The following PRKACB variants were observed in gnomAD, a reference collection of about 807,000 sequenced individuals.
PRKACB encodes the protein cAMP-dependent protein kinase catalytic subunit beta.
A neutral mutation model predicts 51.4 loss-of-function variants in PRKACB; 16 were observed. That is an observed-to-expected ratio of 0.31 (90% CI 0.21 to 0.47). PRKACB has a LOEUF of 0.47. Among genes scored for constraint, PRKACB ranks in the 20% least tolerant of loss-of-function variants. The pLI is 1.00. For synonymous variants in PRKACB, 147 were observed against 154.4 expected, an observed-to-expected ratio of 0.95 and a Z score of 0.35; for missense variants, 309 against 464.5, an observed-to-expected ratio of 0.67 and a Z score of 3.08.
chr1:84,115,494 A>T lies in PRKACB; in HGVS notation c.46+37123A>T, dbSNP rs529723283. On this transcript the variant is annotated intron_variant, in intron 1 of 8. Coordinates refer to the PRKACB transcript ENST00000370688. ...AGGTTGTCTCTTCACCCTGTTGATT[A>T]TTTTTTTTTTCTGTGCAGAAGCTTT... Among the ~76,000 whole-genome samples, 18 of 148,040 alleles carry T rather than the reference A, an allele frequency of 1.2e-4. No homozygotes were observed. The East Asian group carries it at 2.2e-3, about 18-fold the overall frequency.
At chr1:84,089,898 TTTC>T (rs1648316827) in intron 1 of PRKACB, among the ~76,000 whole-genome samples, 5 of 152,334 alleles carry the variant, frequency 3.3e-5, no homozygotes, top group African/African-American at 1.2e-4. Flanking sequence ...ACTTTCATTT[TTTC>T]TTCTTAACCA....
upstream of PRKACB, among the ~76,000 whole-genome samples, chr1:84,142,916 A>G (rs1407809180): frequency 6.6e-6 from 1 of 152,100 alleles, no homozygotes; most frequent in African/African-American, 2.4e-5. Context: ...TATGTTTGTC[A>G]AACAGTTGGC....
In PRKACB at chr1:84,231,316, G is replaced by A. The variant is rs933735050; in HGVS notation, c.1072-3864G>A. 2.3e-3 allele frequency among the ~76,000 whole-genome samples: 343 copies of A among 152,208 alleles called. 1 individual carries two copies. The highest frequency in any genetic ancestry group is 7.8e-3 in the African/African-American group (326 of 41,534). On this transcript the variant is annotated intron_variant, in intron 9 of 9. Transcript: ENST00000370685. ...AGCTTTTGGATGTGCTGCTGGATTT[G>A]GTTTGCCAGTATTTTATTGAGGATT...
At chr1:84,086,104 C>T (rs1647962208) in intron 1 of PRKACB, 11 of 1,483,910 alleles carry the variant, frequency 7.4e-6, no homozygotes, top group South Asian at 2.3e-5. Flanking sequence ...ACACAGACCT[C>T]GCCATTGAGT....
intron 1 of PRKACB, among the ~76,000 whole-genome samples, chr1:84,096,318 G>A (rs1358029016): frequency 2.0e-5 from 3 of 151,994 alleles, no homozygotes; most frequent in Admixed American, 6.6e-5. Flanking sequence ...TCCTAAAAAG[G>A]TGCTTCTCAC....
chr1:84,098,088 A>G (rs1398626420), intron 1 of PRKACB, among the ~76,000 whole-genome samples: 1 of 152,142 alleles, frequency 6.6e-6, no homozygotes, highest in African/African-American at 2.4e-5. Context: ...CCTGATGATT[A>G]ATCATGTTGA....
In PRKACB at chr1:84,220,373, T is replaced by C. The variant is rs149238869; in HGVS notation, c.1071+6056T>C. Among the ~76,000 whole-genome samples the C allele has an allele frequency of 3.9e-5, 6 of 152,256 alleles. No individual in the cohort carries two copies. The East Asian group carries it at 1.2e-3, about 29-fold the overall frequency. Reference sequence around the variant, plus strand: ...ATTCTGGTGGAGTCTATATGTAAGATTATGTCATCTGAAAGGAGGGGCATT... The same window carrying C: ...ATTCTGGTGGAGTCTATATGTAAGACTATGTCATCTGAAAGGAGGGGCATT... On this transcript the variant is annotated intron_variant, in intron 9 of 9. Transcript: ENST00000370685.
intron 1 of PRKACB, among the ~76,000 whole-genome samples, chr1:84,103,165 C>T (rs924173029): frequency 3.3e-5 from 5 of 152,116 alleles, no homozygotes; most frequent in African/African-American, 1.2e-4. Flanking sequence ...TATTCTGTGA[C>T]AAAGTGAAGA....
intron 1 of PRKACB, among the ~76,000 whole-genome samples, chr1:84,156,728 T>A: frequency 6.6e-6 from 1 of 152,294 alleles, no homozygotes; most frequent in South Asian, 2.1e-4. Context: ...TATAAAAATA[T>A]AAAATACCGT....
chr1:84,106,637 C>G (rs776978935), intron 1 of PRKACB, among the ~76,000 whole-genome samples: 18 of 152,094 alleles, frequency 1.2e-4, no homozygotes, highest in African/African-American at 4.1e-4. Flanking sequence ...ACTCCATGCT[C>G]TTAGATAGGA....
Position 84,144,444 on chromosome 1 carries a change from G to A in PRKACB, c.83G>A (p.Arg28Gln), listed in dbSNP as rs747945702. ...ALQKLEGFAS[R>Q]LFHRHSKGTA... ...CAGAAATTGGAAGGTTTTGCTAGCC[G>A]GTTATTTCATAGACACTCTAAAGGT... is the stretch of plus-strand genomic sequence containing the variant. The change falls in exon 1 of 10, where the codon CGG (arginine) becomes CAG (glutamine). Residue 28 changes from arginine (R) to glutamine (Q), a missense_variant. Coordinates refer to ENST00000370685, the MANE Select transcript of PRKACB (RefSeq NM_182948.4). 1.6e-5 allele frequency: 26 copies of A among 1,612,864 alleles called. No individual in the cohort carries two copies. Among genetic ancestry groups the A allele is most frequent in the Admixed American group, 3.3e-5 (2 of 59,750 alleles).
intron 1 of PRKACB, among the ~76,000 whole-genome samples, chr1:84,177,113 T>A (rs1661553920): frequency 6.6e-6 from 1 of 152,018 alleles, no homozygotes; most frequent in African/African-American, 2.4e-5. Flanking sequence ...CTCTAAATTA[T>A]TTATACTCAT....
At chr1:84,081,580 A>G (rs1478754006) in intron 1 of PRKACB, among the ~76,000 whole-genome samples, 1 of 151,962 alleles carries the variant, frequency 6.6e-6, no homozygotes, top group Non-Finnish European at 1.5e-5. Context: ...TAGAAATATG[A>G]TAAAATTCTC....
At chr1:84,164,290 G>C in intron 1 of PRKACB, 4 of 1,500,854 alleles carry the variant, frequency 2.7e-6, no homozygotes, top group Non-Finnish European at 3.6e-6. Flanking sequence ...ATCGCCAATA[G>C]TCACTAGCAA....
intron 5 of PRKACB, among the ~76,000 whole-genome samples, chr1:84,186,487 G>A (rs1241283932): frequency 6.6e-6 from 1 of 152,070 alleles, no homozygotes; most frequent in Admixed American, 6.5e-5. Context: ...CCAAAGTGCT[G>A]GGATTACAGG....
intron 6 of PRKACB, 115 bp downstream of exon 6, chr1:84,196,857 T>G (rs1668365334): frequency 8.7e-7 from 1 of 1,151,740 alleles, no homozygotes; most frequent in South Asian, 1.7e-5. Flanking sequence ...TCCTAATAGT[T>G]TAAGTAGAGC....
Position 84,235,282 on chromosome 1 carries a change from G to T in PRKACB, c.1174G>T (p.Ala392Ser), listed in dbSNP as rs762697799. The stretch of plus-strand genomic sequence containing the variant: ...CCGTGTCTCTATAACAGAAAAATGT[G>T]CAAAAGAATTTGGTGAATTTTAAAG... ...DIRVSITEKC[A>S]KEFGEF The change falls in exon 10 of 10, where the codon GCA (alanine) becomes TCA (serine). Residue 392 changes from alanine to serine, a missense_variant. Ala to Ser is a moderately conservative substitution (Grantham distance 99). Around this residue, in one of 3 missense-constraint regions of PRKACB, gnomAD observed 96 missense variants for 129.9 expected, o/e 0.74. Transcript: ENST00000370685. 3.1e-5 allele frequency: 50 copies of T among 1,614,054 alleles called. No individual in the cohort carries two copies. The highest frequency in any genetic ancestry group is 4.2e-5 in the Non-Finnish European group (50 of 1,179,998).
At chr1:84,092,401 A>AT (rs1326291493) in intron 1 of PRKACB, among the ~76,000 whole-genome samples, 4 of 152,080 alleles carry the variant, frequency 2.6e-5, no homozygotes, top group Non-Finnish European at 4.4e-5. Flanking sequence ...AGCAAAACAT[A>AT]TTTTTTCTAT....
chr1:84,151,749 T>C (rs1654880095), intron 1 of PRKACB, among the ~76,000 whole-genome samples: 1 of 152,236 alleles, frequency 6.6e-6, no homozygotes, highest in Admixed American at 6.5e-5. Flanking sequence ...ATTGCAGCAA[T>C]AGAGTCACAT....
Sources: allele counts gnomAD v4.1 joint callset (sites outside exome capture counted in the v4.1 genomes callset), GRCh38; gene constraint gnomAD v4.1.1; regional missense constraint gnomAD v4.1.1; transcripts MANE v1.5; gene names NCBI Gene and HGNC (gene_info 2026-07-23, HGNC 2026-07-21).